ZNF385D: variants seen among roughly 807,000 people sequenced by gnomAD.
The protein encoded by ZNF385D is zinc finger protein 659.
Under a neutral mutation model 35.8 loss-of-function variants are expected in ZNF385D, and 15 were observed. That is an observed-to-expected ratio of 0.42 (90% CI 0.28 to 0.64). The LOEUF (loss-of-function observed/expected upper bound fraction) is 0.64, where lower values mean the gene tolerates loss of function less well. Ranked by LOEUF, ZNF385D falls within the 30% of genes least tolerant of loss-of-function variation. The pLI is 0.23. For missense variants in ZNF385D, 474 were observed against 494.6 expected (o/e 0.96, Z 0.39); for synonymous variants, 212 against 186.8 (o/e 1.13, Z -1.10).
At chr3:21,563,592 A>G (rs1421800107) in intron 3 of ZNF385D, among the ~76,000 whole-genome samples, 3 of 152,352 alleles carry the variant, frequency 2.0e-5, no homozygotes, top group African/African-American at 7.2e-5. Flanking sequence ...TCGTCACCAG[A>G]GCATCTAAGA....
intron 3 of ZNF385D, among the ~76,000 whole-genome samples, chr3:21,526,686 A>G (rs233157): frequency 0.18 from 27,736 of 152,082 alleles, 2,604 homozygotes; most frequent in Admixed American, 0.25. Flanking sequence ...CGCAACATGT[A>G]TATTATTGGT....
At chr3:22,369,355 T>C (rs1191580358) in intron 2 of ZNF385D, among the ~76,000 whole-genome samples, 2 of 152,142 alleles carry the variant, frequency 1.3e-5, no homozygotes, top group Non-Finnish European at 2.9e-5. Context: ...TTTACAAGAC[T>C]CCCATTGTCA....
chr3:22,145,883 C>G (rs1704820018), intron 3 of ZNF385D, among the ~76,000 whole-genome samples: 1 of 151,902 alleles, frequency 6.6e-6, no homozygotes. Flanking sequence ...CCCAAACCTC[C>G]AAGTAGTTGG....
intron 3 of ZNF385D, among the ~76,000 whole-genome samples, chr3:21,525,740 A>AT (rs1188735562): frequency 3.2e-4 from 48 of 151,892 alleles, no homozygotes; most frequent in African/African-American, 1.1e-3. Context: ...ACATTAAAAA[A>AT]TTTTTTAGAC....
At chr3:22,155,173 A>G (rs1450716658) in intron 3 of ZNF385D, among the ~76,000 whole-genome samples, 1 of 152,158 alleles carries the variant, frequency 6.6e-6, no homozygotes, top group African/African-American at 2.4e-5. Context: ...CCCCGTAAAT[A>G]TCTATAATTA....
intron 3 of ZNF385D, among the ~76,000 whole-genome samples, chr3:21,989,184 A>G (rs1044279270): frequency 1.4e-4 from 22 of 151,952 alleles, no homozygotes; most frequent in Admixed American, 5.2e-4. Context: ...CTCCGACCCC[A>G]TCTCCCTCAA....
intron 3 of ZNF385D, among the ~76,000 whole-genome samples, chr3:21,936,504 G>T (rs1010225005): frequency 2.0e-5 from 3 of 151,740 alleles, no homozygotes; most frequent in African/African-American, 7.3e-5. Flanking sequence ...ATTTAAATTG[G>T]TGTCTTTTGT....
intron 3 of ZNF385D, among the ~76,000 whole-genome samples, chr3:21,893,299 G>T (rs1489612068): frequency 6.6e-6 from 1 of 152,084 alleles, no homozygotes; most frequent in Non-Finnish European, 1.5e-5. Flanking sequence ...AATATGAATT[G>T]CACATTTATG....
chr3:22,245,041 C>T (rs1166464692), intron 2 of ZNF385D, among the ~76,000 whole-genome samples: 2 of 152,028 alleles, frequency 1.3e-5, no homozygotes, highest in African/African-American at 2.4e-5. Context: ...AAAATGACCT[C>T]CAAGTGAATA....
intron 3 of ZNF385D, among the ~76,000 whole-genome samples, chr3:21,919,919 CGTGTGCCTTA>C (rs1403395865): frequency 1.3e-5 from 2 of 152,180 alleles, no homozygotes; most frequent in Non-Finnish European, 2.9e-5. Flanking sequence ...CAAAGACTTT[CGTGTGCCTTA>C]CTCTAAGCTC....
intron 1 of ZNF385D, among the ~76,000 whole-genome samples, chr3:21,683,296 A>G (rs1343776488): frequency 1.3e-5 from 2 of 149,682 alleles, no homozygotes; most frequent in African/African-American, 2.5e-5. Flanking sequence ...AATTTTGTGG[A>G]TATTACTTTT....
intron 3 of ZNF385D, among the ~76,000 whole-genome samples, chr3:22,098,819 A>T (rs540470075): frequency 6.6e-6 from 1 of 152,086 alleles, no homozygotes; most frequent in Non-Finnish European, 1.5e-5. Context: ...AGTATCACAT[A>T]CAGTGATACT....
intron 3 of ZNF385D, among the ~76,000 whole-genome samples, chr3:21,859,576 A>C (rs911943241): frequency 6.6e-6 from 1 of 151,952 alleles, no homozygotes; most frequent in African/African-American, 2.4e-5. Flanking sequence ...TGCCATGTCA[A>C]GGTGCAGGCC....
At chr3:22,099,278 T>G (rs1442551031) in intron 3 of ZNF385D, among the ~76,000 whole-genome samples, 1 of 152,102 alleles carries the variant, frequency 6.6e-6, no homozygotes, top group African/African-American at 2.4e-5. Flanking sequence ...CATCTATATG[T>G]ACATACACTG....
At chr3:22,100,018 C>T (rs554212815) in intron 3 of ZNF385D, among the ~76,000 whole-genome samples, 11 of 151,796 alleles carry the variant, frequency 7.2e-5, no homozygotes, top group South Asian at 2.1e-4. Flanking sequence ...AAAAAGTGGG[C>T]AAAGGATATG....
chr3:21,952,220 C>A (rs1038864804), intron 3 of ZNF385D, among the ~76,000 whole-genome samples: 11 of 152,012 alleles, frequency 7.2e-5, no homozygotes, highest in African/African-American at 2.4e-4. Context: ...GTAGGATACT[C>A]TGATTTTTCT....
In ZNF385D at chr3:21,749,886, C is replaced by A. The variant is rs541619255; in HGVS notation, c.22+1009G>T. Among the ~76,000 whole-genome samples the A allele has an allele frequency of 2.6e-5, 4 of 152,288 alleles. No homozygotes were observed. In the East Asian group the frequency reaches 5.8e-4, roughly 22 times the overall value. On this transcript the variant is annotated intron_variant, in intron 1 of 7. Coordinates refer to ENST00000281523, the MANE Select transcript of ZNF385D (RefSeq NM_024697.3). ...CCCCAACCTAAGTTTATCTAAATAC[C>A]TCTTTAATCTGAAAGAAGACGCTAG...
intron 2 of ZNF385D, among the ~76,000 whole-genome samples, chr3:22,368,909 G>GT (rs1347516301): frequency 6.6e-6 from 1 of 152,164 alleles, no homozygotes; most frequent in African/African-American, 2.4e-5. Context: ...TGACTAGAAT[G>GT]TTTTAAATGA....
intron 3 of ZNF385D, among the ~76,000 whole-genome samples, chr3:21,794,399 C>T (rs73142832): frequency 0.17 from 26,535 of 151,808 alleles, 2,586 homozygotes; most frequent in Non-Finnish European, 0.22. Context: ...GTCATTGAAA[C>T]GACAGAAAAC....
Sources: gnomAD v4.1 joint callset for allele counts (sites outside exome capture counted in the v4.1 genomes callset) on GRCh38, gnomAD v4.1.1 for gene constraint, MANE v1.5 for transcripts, NCBI Gene and HGNC (gene_info 2026-07-23, HGNC 2026-07-21) for gene names.